Variants in CELSR3 observed in about 807,000 individuals in gnomAD.
CELSR3 encodes cadherin EGF LAG seven-pass G-type receptor 3, also known as EGF-like protein 1.
In CELSR3, 73 loss-of-function variants were observed where a neutral mutation model predicts 270.0. The observed-to-expected ratio is 0.27, with a 90% CI of 0.22 to 0.33. CELSR3 has a LOEUF of 0.33. Among genes scored for constraint, CELSR3 ranks in the 10% least tolerant of loss-of-function variants. The pLI is 1.00. For missense variants in CELSR3, 3,614 were observed against 4,533.8 expected (o/e 0.80, Z 5.83); for synonymous variants, 1,780 against 1,905.4 (o/e 0.93, Z 1.71).
Position 48,642,517 on chromosome 3 carries a change from C to A in CELSR3, c.8556-50G>T. ...CATGAAAGAGGGATGTGATGGGGTGCCTTGGAGGCTGGAGTGTCTTTGAGT... is the reference window on the plus strand; with the variant it reads ...CATGAAAGAGGGATGTGATGGGGTGACTTGGAGGCTGGAGTGTCTTTGAGT... On this transcript the variant is annotated intron_variant, in intron 30 of 34. Transcript: ENST00000164024. This position sits in a 1 kb window ranked among gnomAD's most constrained non-coding sequence, Gnocchi z 6.1. 6.4e-7 allele frequency: 1 copy of A among 1,571,750 alleles called. No individual in the cohort carries two copies. Among genetic ancestry groups the A allele is most frequent in the Non-Finnish European group, 8.7e-7 (1 of 1,153,002 alleles).
At chr3:48,648,238 G>GGCCCCCCCCAACC in intron 19 of CELSR3, 28 bp downstream of exon 19, 7 of 1,342,560 alleles carry the variant, frequency 5.2e-6, no homozygotes, top group Non-Finnish European at 7.4e-6. Context: ...CCCCTGCTGT[G>GGCCCCCCCCAACC]CCCCGCCCTA....
chr3:48,657,971 T>TACACAC lies in CELSR3; in HGVS notation c.3749-629_3749-624dup, dbSNP rs566629528. ...TCCAGGGGGGTCTTGAACCCTGACA[T>TACACAC]ACACACACACACACACACACCAGCA... On this transcript the variant is annotated intron_variant, in intron 1 of 34. Coordinates refer to ENST00000164024, the MANE Select transcript of CELSR3 (RefSeq NM_001407.3). This position sits in a 1 kb window ranked among gnomAD's most constrained non-coding sequence, Gnocchi z 5.4. 6.7e-6 allele frequency among the ~76,000 whole-genome samples: 1 copy of TACACAC among 149,830 alleles called. No homozygotes were observed. Among genetic ancestry groups the TACACAC allele is most frequent in the Non-Finnish European group, 1.5e-5 (1 of 67,192 alleles).
In CELSR3 at chr3:48,641,864, G is replaced by A; in HGVS notation, c.8811C>T (p.Leu2937=). ...GGCGCCTGGCACCTTTGGGGTGGGT[G>A]AGGAGCCTCTCACTCTGGGCTGCTC... ...LCRAAQSERL[L]THPKDVDGND... Residue 2937 remains leucine, a synonymous_variant, in exon 32 of 35, where the codon CTC becomes CTT. Coordinates refer to ENST00000164024, the MANE Select transcript of CELSR3 (RefSeq NM_001407.3). The surrounding 1 kb of genome is among the most constrained non-coding windows in gnomAD (Gnocchi z 4.8). The A allele has an allele frequency of 6.7e-7, 1 of 1,482,186 alleles. No homozygotes were observed. The highest frequency in any genetic ancestry group is 1.4e-5 in the South Asian group (1 of 71,258). 91.8% of individuals were successfully genotyped at this position (1,482,186 alleles called of 1,614,324 possible). A position where few individuals can be genotyped will look rare whatever the true frequency, so the allele number is the denominator to read the frequency against.
chr3:48,653,911 G>A lies in CELSR3; in HGVS notation c.5245C>T (p.Pro1749Ser), dbSNP rs2047159052. The A allele has an allele frequency of 1.2e-6, 2 of 1,613,716 alleles. No individual in the cohort carries two copies. The highest frequency in any genetic ancestry group is 2.2e-5 in the South Asian group (2 of 91,088). Residue 1749 changes from proline (P) to serine (S), a missense_variant, in exon 8 of 35, where the codon CCT (proline) becomes TCT (serine). Pro to Ser is a moderately conservative substitution (Grantham distance 74, BLOSUM62 -1). Coordinates refer to ENST00000164024, the MANE Select transcript of CELSR3 (RefSeq NM_001407.3). The surrounding 1 kb of genome is among the most constrained non-coding windows in gnomAD (Gnocchi z 6.5). ...ERWGSFSCDC[P>S]VGFGGKDCQL... is the part of the protein sequence containing the mutation. ...CAGTCTTTGCCGCCGAAGCCCACAGGGCAGTCGCAGCTGAAGCTGCCCCAG... is the reference window on the plus strand; with the variant it reads ...CAGTCTTTGCCGCCGAAGCCCACAGAGCAGTCGCAGCTGAAGCTGCCCCAG...
Position 48,661,180 on chromosome 3 carries a change from G to A in CELSR3, c.1455C>T (p.Ala485=). Reference sequence around the variant, plus strand: ...GGCCGGAGCGTGGATCAATCTCGAAGGCGGCGGCAGCTGCAGCGCGCGCAG... The same window carrying A: ...GGCCGGAGCGTGGATCAATCTCGAAAGCGGCGGCAGCTGCAGCGCGCGCAG... ...PPAARAAAAA[A]FEIDPRSGLI... Residue 485 remains alanine (A), a synonymous_variant, in exon 1 of 35, where the codon GCC becomes GCT. Transcript: ENST00000164024. The A allele has an allele frequency of 1.9e-6, 3 of 1,597,352 alleles. No individual in the cohort carries two copies. The highest frequency in any genetic ancestry group is 2.6e-6 in the Non-Finnish European group (3 of 1,171,442).
rs543483822 is a variant in CELSR3 at position 48,661,068 on chromosome 3, C to T, written c.1567G>A (p.Gly523Arg). The T allele has an allele frequency of 1.0e-4, 169 of 1,613,678 alleles. 2 individuals are homozygous for T. The South Asian group carries it at 1.5e-3, about 14-fold the overall frequency. Residue 523 changes from glycine to arginine, a missense_variant, in exon 1 of 35, where the codon GGG (glycine) becomes AGG (arginine). By Grantham distance (125) the Gly-to-Arg change is moderately radical. Around this residue, in one of 7 missense-constraint regions of CELSR3, gnomAD observed 354 missense variants for 500.9 expected, o/e 0.71. Coordinates refer to ENST00000164024, the MANE Select transcript of CELSR3 (RefSeq NM_001407.3). ...VEASDQGQEP[G>R]PRSATVRVHI... is the part of the protein sequence containing the mutation. Reference sequence around the variant, plus strand: ...ACGCGCACAGTGGCCGAGCGCGGCCCGGGTTCCTGGCCCTGGTCGCTGGCT... The same window carrying T: ...ACGCGCACAGTGGCCGAGCGCGGCCTGGGTTCCTGGCCCTGGTCGCTGGCT...
chr3:48,655,857 C>T lies in CELSR3; in HGVS notation c.4626-6G>A, dbSNP rs747346669. The T allele has an allele frequency of 2.1e-5, 4 of 187,178 alleles. No individual in the cohort carries two copies. The highest frequency in any genetic ancestry group is 4.2e-5 in the Non-Finnish European group (4 of 95,140). 11.6% of individuals were successfully genotyped at this position (187,178 alleles called of 1,614,324 possible). ...TCTGCTGCACTGTCGCGAACCTGGG[C>T]GGGGTGGGAGGGGGTTGCGGGGGTG... On this transcript the variant is annotated splice_region_variant and splice_polypyrimidine_tract_variant and intron_variant, in intron 3 of 34. Transcript: ENST00000164024. The surrounding 1 kb of genome is among the most constrained non-coding windows in gnomAD (Gnocchi z 5.8).
chr3:48,641,332 T>A lies in CELSR3; in HGVS notation c.9017A>T (p.Gln3006Leu). The part of the protein sequence containing the change: ...DETSLGRAQR[Q>L]RKGILKNRLQ... ...GGGCTCAGGGACTGTACCTTTCCTC[T>A]GGCGCTGGGCCCGGCCCAGAGAAGT... The change falls in exon 33 of 35, where the codon CAG (glutamine) becomes CTG (leucine). Residue 3006 changes from glutamine to leucine, a missense_variant. Gln to Leu is a moderately radical substitution (Grantham distance 113, BLOSUM62 -2). Transcript: ENST00000164024. The surrounding 1 kb of genome is among the most constrained non-coding windows in gnomAD (Gnocchi z 4.8). 1 of 1,606,232 alleles carries A rather than the reference T, an allele frequency of 6.2e-7. No homozygotes were observed. Among genetic ancestry groups the A allele is most frequent in the Non-Finnish European group, 8.5e-7 (1 of 1,174,608 alleles).
chr3:48,640,626 G>A lies in CELSR3; in HGVS notation c.9026-67C>T. 2 of 1,448,864 alleles carry A rather than the reference G, an allele frequency of 1.4e-6. No homozygotes were observed. The highest frequency in any genetic ancestry group is 1.8e-6 in the Non-Finnish European group (2 of 1,089,824). The allele number at this position is 1,448,864 out of a possible 1,614,324, so 89.8% of individuals were successfully genotyped here. ...GGGGAGGGCAGGCAGGAATTGCTGAGTCTAGGGGTGTGGCAGCCCTTGGGA... is the reference window on the plus strand; with the variant it reads ...GGGGAGGGCAGGCAGGAATTGCTGAATCTAGGGGTGTGGCAGCCCTTGGGA... On this transcript the variant is annotated intron_variant, in intron 33 of 34. Transcript: ENST00000164024. This position sits in a 1 kb window ranked among gnomAD's most constrained non-coding sequence, Gnocchi z 7.5.
rs149858467 is a variant in CELSR3 at position 48,645,766 on chromosome 3, G to T, written c.7566C>A (p.Val2522=). 2.2e-5 allele frequency: 36 copies of T among 1,610,996 alleles called. No homozygotes were observed. The African/African-American group carries it at 4.1e-4, about 18-fold the overall frequency. Residue 2522 remains valine, a synonymous_variant, in exon 23 of 35, where the codon GTC becomes GTA. Transcript: ENST00000164024. This position sits in a 1 kb window ranked among gnomAD's most constrained non-coding sequence, Gnocchi z 5.4. ...CCTCACGGGGAGAGGCATCCATGAG[G>T]ACCCCAAAGGTCCCTGTCCGGCTGC... ...CRCSRTGTFG[V]LMDASPRERL...
Position 48,641,813 on chromosome 3 carries a change from T to A in CELSR3, c.8824+38A>T. On this transcript the variant is annotated intron_variant, in intron 32 of 34. Coordinates refer to ENST00000164024, the MANE Select transcript of CELSR3 (RefSeq NM_001407.3). The surrounding 1 kb of genome is among the most constrained non-coding windows in gnomAD (Gnocchi z 4.8). ...AGCTGGAGGGATAACAAATGGGGCA[T>A]CCCTTGGTCACCCAAGGGGTCAGAG... 2 of 1,422,046 alleles carry A rather than the reference T, an allele frequency of 1.4e-6. No individual in the cohort carries two copies. The highest frequency in any genetic ancestry group is 1.8e-6 in the Non-Finnish European group (2 of 1,081,886). The allele number at this position is 1,422,046 out of a possible 1,614,324, so 88.1% of individuals were successfully genotyped here. A position where few individuals can be genotyped will look rare whatever the true frequency, so the allele number is the denominator to read the frequency against.
intron 27 of CELSR3, chr3:48,643,951 C>G: frequency 3.4e-6 from 2 of 589,632 alleles, no homozygotes; most frequent in Non-Finnish European, 6.0e-6. Context: ...ACACACAGGG[C>G]AGGGGGCAAA....
Position 48,642,903 on chromosome 3 carries a change from G to C in CELSR3, c.8407-19C>G. 6.2e-7 allele frequency: 1 copy of C among 1,612,334 alleles called. No individual in the cohort carries two copies. The highest frequency in any genetic ancestry group is 8.5e-7 in the Non-Finnish European group (1 of 1,179,404). ...CAGGTCCCTGGGGGTGGTAGGGACA[G>C]AGTGTGAGCTAACCCTGAAGCAGCC... On this transcript the variant is annotated intron_variant, in intron 29 of 34. Coordinates refer to ENST00000164024, the MANE Select transcript of CELSR3 (RefSeq NM_001407.3). This position sits in a 1 kb window ranked among gnomAD's most constrained non-coding sequence, Gnocchi z 6.1.
At position 48,642,349 on chromosome 3, in the gene CELSR3, C is replaced by G. The variant is rs769801186; in HGVS notation, c.8665+9G>C. The G allele has an allele frequency of 6.2e-7, 1 of 1,611,304 alleles. No homozygotes were observed. The highest frequency in any genetic ancestry group is 8.5e-7 in the Non-Finnish European group (1 of 1,178,930). The stretch of plus-strand genomic sequence containing the variant: ...CCTCCCTCCTCCCTGCCCCAGGCCC[C>G]AACTCCACCAGCATCTCGATGGAAC... On this transcript the variant is annotated intron_variant, in intron 31 of 34. Transcript: ENST00000164024. The surrounding 1 kb of genome is among the most constrained non-coding windows in gnomAD (Gnocchi z 6.1).
rs1212086062 is a variant in CELSR3, at chr3:48,660,939, G to A, written c.1696C>T (p.Arg566Cys). 6.2e-7 allele frequency: 1 copy of A among 1,613,798 alleles called. No individual in the cohort carries two copies. The highest frequency in any genetic ancestry group is 8.5e-7 in the Non-Finnish European group (1 of 1,180,038). The change falls in exon 1 of 35, where the codon CGC becomes TGC. Residue 566 changes from arginine to cysteine, a missense_variant. Coordinates refer to ENST00000164024, the MANE Select transcript of CELSR3 (RefSeq NM_001407.3). This position sits in a 1 kb window ranked among gnomAD's most constrained non-coding sequence, Gnocchi z 5.5. ...TTGTCCCGGTCAGTGGCCGTGACGCGCAGCACGACTGTGTGGGGGCGCACA... is the reference window on the plus strand; with the variant it reads ...TTGTCCCGGTCAGTGGCCGTGACGCACAGCACGACTGTGTGGGGGCGCACA... Reference protein sequence around the residue: ...EDVRPHTVVLRVTATDRDKDA... With the variant: ...EDVRPHTVVLCVTATDRDKDA...
Position 48,646,290 on chromosome 3 carries a change from C to G in CELSR3, c.7296-33G>C. On this transcript the variant is annotated intron_variant, in intron 21 of 34. Coordinates refer to ENST00000164024, the MANE Select transcript of CELSR3 (RefSeq NM_001407.3). This position sits in a 1 kb window ranked among gnomAD's most constrained non-coding sequence, Gnocchi z 4.8. ...GACACCCATCTGGGCTTACGCACTGCTGACCTCCCCATGCTCAGCCTGCTT... is the reference window on the plus strand; with the variant it reads ...GACACCCATCTGGGCTTACGCACTGGTGACCTCCCCATGCTCAGCCTGCTT... 6.3e-7 allele frequency: 1 copy of G among 1,587,128 alleles called. No individual in the cohort carries two copies. Among genetic ancestry groups the G allele is most frequent in the Non-Finnish European group, 8.6e-7 (1 of 1,163,770 alleles).
Position 48,642,145 on chromosome 3 carries a change from A to G in CELSR3, c.8666-136T>C, listed in dbSNP as rs1210617679. 3 of 900,310 alleles carry G rather than the reference A, an allele frequency of 3.3e-6. No homozygotes were observed. Among genetic ancestry groups the G allele is most frequent in the East Asian group, 5.4e-5 (2 of 36,886 alleles). The allele number at this position is 900,310 out of a possible 1,614,324, so 55.8% of individuals were successfully genotyped here. On this transcript the variant is annotated intron_variant, in intron 31 of 34. Coordinates refer to ENST00000164024, the MANE Select transcript of CELSR3 (RefSeq NM_001407.3). The surrounding 1 kb of genome is among the most constrained non-coding windows in gnomAD (Gnocchi z 6.1). ...AGGAACCGGGGCTTGAAGTGGAGGT[A>G]GCAGCAGAAGGGCTGGGACTTATCA... is the stretch of plus-strand genomic sequence containing the variant.
Position 48,654,472 on chromosome 3 carries a change from G to A in CELSR3, c.4989-20C>T. ...AGGGACCTGGGGATCAGGGGTCTGG[G>A]TCATTGGTGGGACTGGGGCCAGAGT... On this transcript the variant is annotated intron_variant, in intron 6 of 34. Transcript: ENST00000164024. The surrounding 1 kb of genome is among the most constrained non-coding windows in gnomAD (Gnocchi z 5.4). 1 of 1,553,188 alleles carries A rather than the reference G, an allele frequency of 6.4e-7. No individual in the cohort carries two copies. The highest frequency in any genetic ancestry group is 1.2e-5 in the South Asian group (1 of 82,102).
In CELSR3 at chr3:48,653,731, C is replaced by A. The variant is rs756034424; in HGVS notation, c.5336G>T (p.Ser1779Ile). The change falls in exon 9 of 35, where the codon AGT becomes ATT. Residue 1779 changes from serine (S) to isoleucine (I), a missense_variant. Ser to Ile is a moderately radical substitution (Grantham distance 142, BLOSUM62 -2). This residue lies in a region of CELSR3 where 1,331 missense variants were observed against 1,933.7 expected (regional missense o/e 0.69). Coordinates refer to ENST00000164024, the MANE Select transcript of CELSR3 (RefSeq NM_001407.3). The surrounding 1 kb of genome is among the most constrained non-coding windows in gnomAD (Gnocchi z 6.5). Reference protein sequence around the residue: ...GNGTLSWNFGSDMAVSVPWYL... With the variant: ...GNGTLSWNFGIDMAVSVPWYL... ...CCATGGCACAGACACAGCCATGTCA[C>A]TTCCAAAGTTCCAGCTCAGTGTGCC... is the stretch of plus-strand genomic sequence containing the variant. The A allele has an allele frequency of 1.7e-5, 27 of 1,614,106 alleles. No individual in the cohort carries two copies. The highest frequency in any genetic ancestry group is 2.3e-5 in the Non-Finnish European group (27 of 1,180,062).
Sources: gnomAD v4.1 joint callset for allele counts (sites outside exome capture counted in the v4.1 genomes callset) on GRCh38, gnomAD v4.1.1 for gene constraint, gnomAD v4.1.1 regional missense constraint, Gnocchi (gnomAD v3.1) non-coding constraint, MANE v1.5 for transcripts, NCBI Gene and HGNC (gene_info 2026-07-23, HGNC 2026-07-21) for gene names.